Variants in UNC13C observed in about 807,000 individuals in gnomAD.
UNC13C encodes the protein protein unc-13 homolog C.
UNC13C carries 174 observed loss-of-function variants against 245.4 expected under a neutral mutation model. The ratio of observed to expected loss-of-function variants is 0.71; its 90% CI spans 0.63 to 0.80. The LOEUF (loss-of-function observed/expected upper bound fraction) is 0.80, where lower values mean the gene tolerates loss of function less well. Ranked by LOEUF, UNC13C falls within the 30% of genes least tolerant of loss-of-function variation. The probability of loss-of-function intolerance (pLI) is 0.00; values close to 1 mark genes in which losing one functional copy is unlikely to be tolerated. For missense variants in UNC13C, 2,829 were observed against 2,602.9 expected (o/e 1.09, Z -1.89); for synonymous variants, 992 against 895.1 (o/e 1.11, Z -1.93).
At chr15:54,090,566 C>A (rs1015413618) in intron 2 of UNC13C, among the ~76,000 whole-genome samples, 3 of 152,198 alleles carry the variant, frequency 2.0e-5, no homozygotes, top group Non-Finnish European at 4.4e-5. Context: ...TCCATACATT[C>A]TGGCTCAAGT....
intron 19 of UNC13C, among the ~76,000 whole-genome samples, chr15:54,481,518 G>A (rs1893118165): frequency 6.6e-6 from 1 of 152,158 alleles, no homozygotes; most frequent in African/African-American, 2.4e-5. Context: ...AGGTGGGTTG[G>A]ATCAGTCCCC....
intron 14 of UNC13C, among the ~76,000 whole-genome samples, chr15:54,324,036 G>A (rs1319559590): frequency 2.6e-5 from 4 of 152,030 alleles, no homozygotes; most frequent in Non-Finnish European, 5.9e-5. Flanking sequence ...TGGCAGTGTA[G>A]TTATAACAAA....
intron 4 of UNC13C, among the ~76,000 whole-genome samples, chr15:54,162,358 C>T (rs2033010558): frequency 6.6e-6 from 1 of 152,242 alleles, no homozygotes; most frequent in Non-Finnish European, 1.5e-5. Context: ...GCTTGTGACA[C>T]TATGCAATCA....
intron 4 of UNC13C, among the ~76,000 whole-genome samples, chr15:54,157,464 C>A (rs192895971): frequency 3.7e-4 from 57 of 152,216 alleles, no homozygotes; most frequent in African/African-American, 1.3e-3. Flanking sequence ...TTTAATAATA[C>A]ATTATTAAAA....
At chr15:54,577,857 T>G (rs1898024633) in intron 30 of UNC13C, among the ~76,000 whole-genome samples, 1 of 152,130 alleles carries the variant, frequency 6.6e-6, no homozygotes, top group African/African-American at 2.4e-5. Flanking sequence ...ATCTTTAGAG[T>G]TTTGCCAGGT....
intron 2 of UNC13C, among the ~76,000 whole-genome samples, chr15:54,097,589 G>A (rs1052062448): frequency 1.3e-5 from 2 of 152,182 alleles, no homozygotes; most frequent in African/African-American, 2.4e-5. Context: ...GAAAATATCA[G>A]AGGCACAGAA....
At chr15:54,085,952 A>T (rs1899215720) in intron 2 of UNC13C, among the ~76,000 whole-genome samples, 1 of 152,232 alleles carries the variant, frequency 6.6e-6, no homozygotes, top group Non-Finnish European at 1.5e-5. Context: ...TTTAGTTGAC[A>T]TGTAATATAC....
the UNC13C span, among the ~76,000 whole-genome samples, chr15:53,964,821 G>A: frequency 8.4e-3 from 1,273 of 152,202 alleles, 26 homozygotes; most frequent in African/African-American, 0.028. Context: ...GAATCTTTTG[G>A]CACTTTGGAG....
intron 4 of UNC13C, among the ~76,000 whole-genome samples, chr15:54,213,105 C>G (rs547694950): frequency 2.0e-5 from 3 of 152,104 alleles, no homozygotes; most frequent in Admixed American, 2.0e-4. Context: ...TCTAATTACT[C>G]AAGACCTTCA....
At chr15:54,132,074 C>CTTTTT (rs1555420957) in intron 2 of UNC13C, among the ~76,000 whole-genome samples, 18 of 110,644 alleles carry the variant, frequency 1.6e-4, no homozygotes, top group African/African-American at 4.8e-4. Context: ...TTTTCTTTTT[C>CTTTTT]TTTTTTTTTT....
At chr15:54,123,707 G>A (rs2030836232) in intron 2 of UNC13C, among the ~76,000 whole-genome samples, 1 of 151,996 alleles carries the variant, frequency 6.6e-6, no homozygotes, top group Non-Finnish European at 1.5e-5. Context: ...CAGGAATTTG[G>A]CATTGGTATA....
rs1304254532 is a variant in UNC13C, at chr15:54,484,249, T to C, written c.4934-10359T>C. ...TGCTCAAACACATCTGAATGGGTCA[T>C]TGTATTGCAGTTTTATAAATCCAGT... On this transcript the variant is annotated intron_variant, in intron 19 of 32. Transcript: ENST00000260323. 3.3e-5 allele frequency among the ~76,000 whole-genome samples: 5 copies of C among 152,212 alleles called. No homozygotes were observed. The East Asian group carries it at 7.7e-4, about 23-fold the overall frequency.
At chr15:54,104,575 A>G (rs749419542) in intron 2 of UNC13C, among the ~76,000 whole-genome samples, 2 of 152,066 alleles carry the variant, frequency 1.3e-5, no homozygotes, top group Non-Finnish European at 2.9e-5. Context: ...GTTATATTTC[A>G]GCTATCAGAT....
intron 2 of UNC13C, among the ~76,000 whole-genome samples, chr15:54,114,286 T>C (rs539923584): frequency 1.7e-3 from 259 of 152,334 alleles, no homozygotes; most frequent in Non-Finnish European, 2.7e-3. Flanking sequence ...AAGGATGAAA[T>C]TGGAGTCTCC....
chr15:53,961,357 C>A, the UNC13C span, among the ~76,000 whole-genome samples: 1 of 152,200 alleles, frequency 6.6e-6, no homozygotes, highest in Non-Finnish European at 1.5e-5. Flanking sequence ...ACTTTGTTTG[C>A]AAAGAGGGCT....
In UNC13C at chr15:54,293,897, A is replaced by T; in HGVS notation, c.3821A>T (p.Glu1274Val). The stretch of plus-strand genomic sequence containing the variant: ...AACTTATCCACATTTATTTTCAGTG[A>T]GTGTCATAACTCCACAGATCGAATC... The part of the protein sequence containing the change: ...NPVWDEKFYF[E>V]CHNSTDRIKV... Residue 1274 changes from glutamate (E) to valine (V), a missense_variant and splice_region_variant, in exon 11 of 33, where the codon GAG (glutamate) becomes GTG (valine). Transcript: ENST00000260323. 1 of 1,538,670 alleles carries T rather than the reference A, an allele frequency of 6.5e-7. No homozygotes were observed. Among genetic ancestry groups the T allele is most frequent in the Non-Finnish European group, 8.7e-7 (1 of 1,148,172 alleles).
intron 26 of UNC13C, among the ~76,000 whole-genome samples, chr15:54,536,765 C>G (rs1896000075): frequency 6.6e-6 from 1 of 151,884 alleles, no homozygotes; most frequent in South Asian, 2.1e-4. Context: ...AAAAGGCTTT[C>G]AATAAAATTC....
At chr15:54,085,377 A>G (rs1480511983) in intron 2 of UNC13C, among the ~76,000 whole-genome samples, 1 of 152,136 alleles carries the variant, frequency 6.6e-6, no homozygotes, top group Non-Finnish European at 1.5e-5. Context: ...ACAAAGAAGG[A>G]TCCCAAGTAA....
At chr15:54,120,302 C>T (rs986877231) in intron 2 of UNC13C, among the ~76,000 whole-genome samples, 2 of 152,034 alleles carry the variant, frequency 1.3e-5, no homozygotes, top group Non-Finnish European at 2.9e-5. Context: ...AATCCTAGAG[C>T]CTTTGGGAAT....
Sources: gnomAD v4.1 joint callset for allele counts (sites outside exome capture counted in the v4.1 genomes callset) on GRCh38, gnomAD v4.1.1 for gene constraint, MANE v1.5 for transcripts, NCBI Gene and HGNC (gene_info 2026-07-23, HGNC 2026-07-21) for gene names.